Variants in CMSS1 observed in about 807,000 individuals in gnomAD.
CMSS1 encodes protein CMSS1.
A neutral mutation model predicts 43.5 loss-of-function variants in CMSS1; 33 were observed. The ratio of observed to expected loss-of-function variants is 0.76; its 90% confidence interval spans 0.57 to 1.01. The LOEUF (loss-of-function observed/expected upper bound fraction) is 1.01, where lower values mean the gene tolerates loss of function less well. Ranked by LOEUF, CMSS1 falls within the 50% of genes least tolerant of loss-of-function variation. CMSS1 has a pLI of 0.00. For missense variants in CMSS1, 313 were observed against 326.4 expected, an observed-to-expected ratio of 0.96 and a Z score of 0.32; for synonymous variants, 115 against 117.2, an observed-to-expected ratio of 0.98 and a Z score of 0.12.
At chr3:99,836,411 G>C (rs899317759) in intron 1 of CMSS1, among the ~76,000 whole-genome samples, 2 of 152,204 alleles carry the variant, frequency 1.3e-5, no homozygotes, top group East Asian at 3.8e-4. Flanking sequence ...TAAGTTTGAA[G>C]TGTATAGTTG....
chr3:100,066,236 G>A (rs920627051), intron 1 of CMSS1, among the ~76,000 whole-genome samples: 1 of 152,162 alleles, frequency 6.6e-6, no homozygotes, highest in African/African-American at 2.4e-5. Context: ...GCCTCCTGCA[G>A]CTCTCTGTGG....
intron 1 of CMSS1, among the ~76,000 whole-genome samples, chr3:100,035,937 A>G (rs1026282729): frequency 6.6e-6 from 1 of 152,226 alleles, no homozygotes; most frequent in Admixed American, 6.5e-5. Context: ...CTCTGAGGAT[A>G]AAAAGATGAA....
chr3:100,082,819 T>A (rs970670772), intron 1 of CMSS1, among the ~76,000 whole-genome samples: 1 of 152,224 alleles, frequency 6.6e-6, no homozygotes, highest in Non-Finnish European at 1.5e-5. Context: ...TAGACTTACC[T>A]TCGTTGACTT....
intron 1 of CMSS1, among the ~76,000 whole-genome samples, chr3:99,911,367 A>G (rs919971568): frequency 1.3e-5 from 2 of 150,704 alleles, no homozygotes; most frequent in Admixed American, 1.3e-4. Context: ...AAGTATTATT[A>G]TTGTTAAGTT....
At chr3:99,990,912 A>G (rs1205750564) in intron 1 of CMSS1, among the ~76,000 whole-genome samples, 7 of 152,216 alleles carry the variant, frequency 4.6e-5, no homozygotes, top group Non-Finnish European at 5.9e-5. Flanking sequence ...TGAAAAAAGC[A>G]TAAAGTCTGC....
At chr3:100,105,547 G>C (rs1477711243) in intron 1 of CMSS1, among the ~76,000 whole-genome samples, 1 of 152,160 alleles carries the variant, frequency 6.6e-6, no homozygotes, top group Non-Finnish European at 1.5e-5. Context: ...AGGGCTATAA[G>C]ATTAACCGAA....
intron 1 of CMSS1, among the ~76,000 whole-genome samples, chr3:99,880,296 A>T (rs979046176): frequency 1.3e-5 from 2 of 152,194 alleles, no homozygotes; most frequent in Non-Finnish European, 2.9e-5. Context: ...AGATACCCAC[A>T]TGAAATATAC....
intron 1 of CMSS1, among the ~76,000 whole-genome samples, chr3:99,942,414 T>C (rs1707877021): frequency 6.6e-6 from 1 of 152,228 alleles, no homozygotes; most frequent in Admixed American, 6.5e-5. Context: ...TGAGGATCTC[T>C]GAAGATGGGT....
intron 1 of CMSS1, among the ~76,000 whole-genome samples, chr3:100,039,431 A>C (rs1209970131): frequency 6.6e-6 from 1 of 152,224 alleles, no homozygotes; most frequent in Non-Finnish European, 1.5e-5. Context: ...TAAAGATTTC[A>C]GTGGAGTTCT....
chr3:99,968,721 G>T (rs181385193), intron 1 of CMSS1, among the ~76,000 whole-genome samples: 1 of 152,108 alleles, frequency 6.6e-6, no homozygotes, highest in Non-Finnish European at 1.5e-5. Flanking sequence ...AGAGAAATAA[G>T]AAAAAATGAG....
intron 1 of CMSS1, among the ~76,000 whole-genome samples, chr3:99,845,214 T>G (rs1384543293): frequency 6.6e-6 from 1 of 152,136 alleles, no homozygotes; most frequent in Non-Finnish European, 1.5e-5. Flanking sequence ...GACAATTTTA[T>G]TTTTGTCAGT....
chr3:99,887,232 A>G (rs1705930543), intron 1 of CMSS1, among the ~76,000 whole-genome samples: 1 of 151,690 alleles, frequency 6.6e-6, no homozygotes, highest in Non-Finnish European at 1.5e-5. Flanking sequence ...GAGCCATTGC[A>G]CTCCAGTCTG....
intron 1 of CMSS1, among the ~76,000 whole-genome samples, chr3:99,914,098 A>T (rs1040415600): frequency 3.3e-5 from 5 of 152,220 alleles, no homozygotes; most frequent in African/African-American, 1.2e-4. Flanking sequence ...TGGGCCTTAG[A>T]TCCCACTATT....
chr3:99,859,933 A>G (rs1029113957), intron 1 of CMSS1, among the ~76,000 whole-genome samples: 1 of 152,186 alleles, frequency 6.6e-6, no homozygotes, highest in African/African-American at 2.4e-5. Flanking sequence ...TCACAAGTCA[A>G]AGGTTTTCTA....
chr3:99,876,318 G>A (rs1378251707), intron 1 of CMSS1: 4 of 538,762 alleles, frequency 7.4e-6, no homozygotes, highest in Non-Finnish European at 9.5e-6. Context: ...ACACACCCCA[G>A]CTCCCGCGGA....
chr3:100,093,202 A>C (rs557851447), intron 1 of CMSS1, among the ~76,000 whole-genome samples: 54 of 152,292 alleles, frequency 3.5e-4, no homozygotes, highest in Middle Eastern at 6.8e-3. Flanking sequence ...CTAACATATT[A>C]CCAGATATAC....
chr3:99,871,973 T>C (rs1015760232), intron 1 of CMSS1, among the ~76,000 whole-genome samples: 3 of 152,230 alleles, frequency 2.0e-5, no homozygotes, highest in African/African-American at 7.2e-5. Context: ...ACTTAAGAAC[T>C]TTGAACCTTT....
chr3:100,025,209 C>T (rs1169320948), intron 1 of CMSS1, among the ~76,000 whole-genome samples: 4 of 152,128 alleles, frequency 2.6e-5, no homozygotes, highest in East Asian at 1.9e-4. Context: ...TAGTAGGGCT[C>T]GTCCTTCTTG....
chr3:100,056,960 C>T (rs1264967166), intron 1 of CMSS1, among the ~76,000 whole-genome samples: 1 of 152,048 alleles, frequency 6.6e-6, no homozygotes, highest in Admixed American at 6.5e-5. Flanking sequence ...GCCGAGATCG[C>T]ACCACTGCAC....
Sources: allele counts gnomAD v4.1 joint callset (sites outside exome capture counted in the v4.1 genomes callset), GRCh38; gene constraint gnomAD v4.1.1; transcripts MANE v1.5; gene names NCBI Gene and HGNC (gene_info 2026-07-23, HGNC 2026-07-21).